ANO4: variants seen among roughly 807,000 people sequenced by gnomAD.
ANO4 encodes the protein anoctamin-4.
ANO4 carries 69 observed loss-of-function variants against 141.9 expected under a neutral mutation model. That is an observed-to-expected ratio of 0.49 (90% CI 0.40 to 0.59). The LOEUF is 0.59. Ranked by LOEUF, ANO4 falls within the 20% of genes least tolerant of loss-of-function variation. The probability of loss-of-function intolerance (pLI) is 0.00; values close to 1 mark genes in which losing one functional copy is unlikely to be tolerated. For synonymous variants in ANO4, 350 were observed against 394.3 expected, an observed-to-expected ratio of 0.89 and a Z score of 1.33; for missense variants, 894 against 1,162.2, an observed-to-expected ratio of 0.77 and a Z score of 3.36.
chr12:101,107,976 C>G (rs2050514740), intron 22 of ANO4, among the ~76,000 whole-genome samples: 1 of 152,074 alleles, frequency 6.6e-6, no homozygotes, highest in Non-Finnish European at 1.5e-5. Flanking sequence ...TAGCAGAGAC[C>G]TGGTTTTTAT....
Position 101,125,222 on chromosome 12 carries a change from G to A in ANO4, c.2677-1657G>A, listed in dbSNP as rs138882545. On this transcript the variant is annotated intron_variant, in intron 26 of 27. Transcript: ENST00000392977. ...GTATTCCTAGGTATTTTATTCTTTT[G>A]CAGCAGTTGTGAATGGGAGTTCATC... 1.8e-3 allele frequency among the ~76,000 whole-genome samples: 274 copies of A among 152,126 alleles called. 3 individuals carry two copies. Among genetic ancestry groups the A allele is most frequent in the African/African-American group, 6.1e-3 (254 of 41,514 alleles).
intron 3 of ANO4, among the ~76,000 whole-genome samples, chr12:100,937,313 G>A (rs1592769642): frequency 6.6e-6 from 1 of 152,090 alleles, no homozygotes; most frequent in African/African-American, 2.4e-5. Context: ...CAATAAACAA[G>A]TCTAATAAAT....
At chr12:100,931,778 C>T (rs1412195665) in intron 3 of ANO4, among the ~76,000 whole-genome samples, 3 of 152,046 alleles carry the variant, frequency 2.0e-5, no homozygotes, top group Non-Finnish European at 2.9e-5. Context: ...AAATTGATGT[C>T]ATCCTACAAT....
chr12:100,954,997 C>T (rs1394594479), intron 5 of ANO4, among the ~76,000 whole-genome samples: 1 of 152,156 alleles, frequency 6.6e-6, no homozygotes, highest in East Asian at 1.9e-4. Context: ...TTCCTTCCAC[C>T]ATAACTGCCC....
chr12:100,893,993 C>T (rs1161319520), intron 1 of ANO4, among the ~76,000 whole-genome samples: 1 of 152,178 alleles, frequency 6.6e-6, no homozygotes, highest in Non-Finnish European at 1.5e-5. Context: ...CTTACCCTTT[C>T]TGATCTATAA....
chr12:101,037,062 T>C (rs1190373131), intron 9 of ANO4, 33 bp from the exon 10 acceptor site: 1 of 1,603,960 alleles, frequency 6.2e-7, no homozygotes, highest in African/African-American at 1.3e-5. Flanking sequence ...TCAAACTCTG[T>C]ATTAATTCAA....
chr12:100,901,679 G>A lies in ANO4; in HGVS notation c.-107G>A, dbSNP rs780112580. On this transcript the variant is annotated 5_prime_UTR_variant, in exon 2 of 28. Coordinates refer to ENST00000392977, the MANE Select transcript of ANO4 (RefSeq NM_001286615.2). ...TTATCTATTCATGGGGCTGAAAAGCGTTTGCAAATCCATCAACGGCGAAGT... is the reference window on the plus strand; with the variant it reads ...TTATCTATTCATGGGGCTGAAAAGCATTTGCAAATCCATCAACGGCGAAGT... 3.2e-5 allele frequency: 31 copies of A among 962,398 alleles called. 1 individual carries two copies. Among genetic ancestry groups the A allele is most frequent in the South Asian group, 1.9e-4 (15 of 77,852 alleles). The allele number at this position is 962,398 out of a possible 1,614,324, so 59.6% of individuals were successfully genotyped here. A position where few individuals can be genotyped will look rare whatever the true frequency, so the allele number is the denominator to read the frequency against.
At chr12:100,753,512 T>A (rs1319437148) in intron 3 of ANO4, among the ~76,000 whole-genome samples, 6 of 152,164 alleles carry the variant, frequency 3.9e-5, no homozygotes, top group Admixed American at 1.3e-4. Flanking sequence ...AAGTTGCCTA[T>A]AAAGGCCCTC....
At chr12:100,721,880 G>A (rs12318882) in intron 1 of ANO4, among the ~76,000 whole-genome samples, 2,823 of 149,922 alleles carry the variant, frequency 0.019, 90 homozygotes, top group African/African-American at 0.065. Flanking sequence ...TTAAGTAGAG[G>A]CAGGGTCTTG....
intron 3 of ANO4, among the ~76,000 whole-genome samples, chr12:100,928,488 A>G (rs58309094): frequency 0.022 from 3,335 of 152,234 alleles, 126 homozygotes; most frequent in African/African-American, 0.076. Flanking sequence ...TAAAGCTTGA[A>G]TAAGTTAAAT....
chr12:100,794,235 C>T (rs1486515220), upstream of ANO4, among the ~76,000 whole-genome samples: 12 of 152,092 alleles, frequency 7.9e-5, no homozygotes, highest in Admixed American at 2.0e-4. Context: ...AGGTCCAAAG[C>T]GCCATTACTG....
intron 22 of ANO4, among the ~76,000 whole-genome samples, chr12:101,102,539 T>A (rs1450787580): frequency 6.6e-6 from 1 of 152,210 alleles, no homozygotes; most frequent in Admixed American, 6.5e-5. Context: ...CCCATGTTTT[T>A]TTTGTGGGTA....
At chr12:101,034,375 A>G (rs1324845354) in intron 9 of ANO4, among the ~76,000 whole-genome samples, 1 of 152,222 alleles carries the variant, frequency 6.6e-6, no homozygotes, top group Admixed American at 6.5e-5. Context: ...ATCCTCAGCA[A>G]ACTAAGACAG....
intron 8 of ANO4, among the ~76,000 whole-genome samples, chr12:101,002,642 G>A (rs972562174): frequency 6.6e-6 from 1 of 152,082 alleles, no homozygotes; most frequent in African/African-American, 2.4e-5. Context: ...ACGAGTTCAG[G>A]TGTCATCTTC....
At chr12:100,728,182 G>A (rs1396373763) in intron 1 of ANO4, among the ~76,000 whole-genome samples, 2 of 152,068 alleles carry the variant, frequency 1.3e-5, no homozygotes, top group East Asian at 3.9e-4. Context: ...TTTCTTTTTC[G>A]TGGCGGTTAG....
intron 8 of ANO4, among the ~76,000 whole-genome samples, chr12:100,997,192 G>A (rs749111697): frequency 6.6e-6 from 1 of 152,048 alleles, no homozygotes; most frequent in Non-Finnish European, 1.5e-5. Flanking sequence ...AAATTAGCTA[G>A]GCGTGGTTGC....
intron 8 of ANO4, among the ~76,000 whole-genome samples, chr12:101,018,776 G>T (rs990039918): frequency 6.6e-6 from 1 of 152,144 alleles, no homozygotes; most frequent in Non-Finnish European, 1.5e-5. Flanking sequence ...GGAAGGAAAG[G>T]CATGCAGAAG....
intron 5 of ANO4, among the ~76,000 whole-genome samples, chr12:100,970,078 A>G (rs2043849655): frequency 6.6e-6 from 1 of 152,178 alleles, no homozygotes; most frequent in Non-Finnish European, 1.5e-5. Flanking sequence ...AAGGAGGCAA[A>G]GGTCTTTGTC....
chr12:101,023,598 T>A (rs1160885355), intron 9 of ANO4, among the ~76,000 whole-genome samples: 1 of 152,056 alleles, frequency 6.6e-6, no homozygotes, highest in African/African-American at 2.4e-5. Context: ...TTCTGGGAGG[T>A]CAAGGCGGCA....
Sources: gnomAD v4.1 joint callset for allele counts (sites outside exome capture counted in the v4.1 genomes callset) on GRCh38, gnomAD v4.1.1 for gene constraint, MANE v1.5 for transcripts, NCBI Gene and HGNC (gene_info 2026-07-23, HGNC 2026-07-21) for gene names.